CEP85L: variants seen among roughly 807,000 people sequenced by gnomAD.
The protein encoded by CEP85L is centrosomal protein 85L, also known as centrosomal protein of 85 kDa-like.
In CEP85L, 60 loss-of-function variants were observed where a neutral mutation model predicts 100.3. That is an observed-to-expected ratio of 0.60 (90% CI 0.49 to 0.74). The LOEUF (loss-of-function observed/expected upper bound fraction) is 0.74. Ranked by LOEUF, CEP85L falls within the 30% of genes least tolerant of loss-of-function variation. The pLI is 0.00. For synonymous variants in CEP85L, 319 were observed against 322.7 expected (o/e 0.99, Z 0.12); for missense variants, 973 against 936.2 (o/e 1.04, Z -0.51).
intron 2 of CEP85L, among the ~76,000 whole-genome samples, chr6:118,623,534 G>A (rs138072516): frequency 1.3e-5 from 2 of 152,290 alleles, no homozygotes; most frequent in East Asian, 3.9e-4. Context: ...CCTTCACTGT[G>A]CCTGGAGACC....
chr6:118,702,782 G>A (rs1777456663), intron 1 of CEP85L, among the ~76,000 whole-genome samples: 1 of 152,148 alleles, frequency 6.6e-6, no homozygotes, highest in African/African-American at 2.4e-5. Context: ...GGATCACGAA[G>A]TCAGGAGATT....
At chr6:118,688,511 C>T (rs548920856) in intron 1 of CEP85L, among the ~76,000 whole-genome samples, 2 of 152,212 alleles carry the variant, frequency 1.3e-5, no homozygotes, top group South Asian at 4.1e-4. Context: ...ATACTTTATC[C>T]CTAGAATTTC....
chr6:118,667,441 G>A (rs1356830295), intron 1 of CEP85L, among the ~76,000 whole-genome samples: 1 of 152,120 alleles, frequency 6.6e-6, no homozygotes, highest in African/African-American at 2.4e-5. Context: ...TAATAAATGG[G>A]CATCTTAATG....
intron 2 of CEP85L, among the ~76,000 whole-genome samples, chr6:118,602,700 T>C (rs1031055616): frequency 8.5e-5 from 13 of 152,262 alleles, no homozygotes; most frequent in Admixed American, 6.5e-5. Flanking sequence ...AAGACCGATA[T>C]GCTTTATAAA....
intron 2 of CEP85L, among the ~76,000 whole-genome samples, chr6:118,605,287 C>T (rs890556492): frequency 6.6e-6 from 1 of 152,220 alleles, no homozygotes; most frequent in Admixed American, 6.5e-5. Flanking sequence ...CAAAGCCAAT[C>T]AGCCCATTTC....
intron 1 of CEP85L, among the ~76,000 whole-genome samples, chr6:118,670,970 AC>A (rs1415383058): frequency 1.1e-3 from 164 of 151,740 alleles, no homozygotes; most frequent in Non-Finnish European, 1.9e-3. Flanking sequence ...AAAAAAAAAA[AC>A]ACTGTGTTTT....
At chr6:118,526,893 C>A (rs1776994514) in intron 3 of CEP85L, among the ~76,000 whole-genome samples, 1 of 151,966 alleles carries the variant, frequency 6.6e-6, no homozygotes, top group Non-Finnish European at 1.5e-5. Flanking sequence ...ATGAATAATC[C>A]ACCTCTTGTT....
At chr6:118,485,775 C>A (rs567188996) in intron 6 of CEP85L, among the ~76,000 whole-genome samples, 10 of 152,286 alleles carry the variant, frequency 6.6e-5, no homozygotes, top group African/African-American at 2.4e-4. Flanking sequence ...ATTTTAGTAA[C>A]CAGCTGTGCT....
chr6:118,587,407 G>A (rs570249007), intron 2 of CEP85L, among the ~76,000 whole-genome samples: 15 of 152,140 alleles, frequency 9.9e-5, no homozygotes, highest in Non-Finnish European at 1.8e-4. Context: ...AACCATACTT[G>A]GGAGTAACAT....
chr6:118,620,513 C>G (rs937227024), intron 2 of CEP85L, among the ~76,000 whole-genome samples: 3 of 152,146 alleles, frequency 2.0e-5, no homozygotes, highest in Non-Finnish European at 4.4e-5. Context: ...ACAAACTGCC[C>G]CCTTGCCCAC....
At chr6:118,493,101 C>A (rs1774682433) in intron 5 of CEP85L, among the ~76,000 whole-genome samples, 2 of 152,060 alleles carry the variant, frequency 1.3e-5, no homozygotes, top group African/African-American at 4.8e-5. Context: ...AAGTAGGATA[C>A]ATGAAGACAT....
chr6:118,618,698 G>T (rs1304932776), intron 2 of CEP85L, among the ~76,000 whole-genome samples: 1 of 152,176 alleles, frequency 6.6e-6, no homozygotes, highest in African/African-American at 2.4e-5. Context: ...GATGGAAAGT[G>T]GGGACAAAAG....
chr6:118,544,482 T>C, intron 3 of CEP85L, among the ~76,000 whole-genome samples: 1 of 152,204 alleles, frequency 6.6e-6, no homozygotes, highest in East Asian at 1.9e-4. Context: ...TCCATATTAT[T>C]TGTATACTGA....
intron 2 of CEP85L, among the ~76,000 whole-genome samples, chr6:118,582,920 G>A (rs1478595769): frequency 1.3e-5 from 2 of 152,200 alleles, no homozygotes; most frequent in African/African-American, 2.4e-5. Context: ...TCAGGAGGAG[G>A]CCCAAGAAAA....
intron 2 of CEP85L, among the ~76,000 whole-genome samples, chr6:118,610,208 C>T (rs1237676546): frequency 6.6e-6 from 1 of 151,902 alleles, no homozygotes; most frequent in Non-Finnish European, 1.5e-5. Flanking sequence ...TAAGTAATAC[C>T]AGGTTTTAAA....
intron 1 of CEP85L, among the ~76,000 whole-genome samples, chr6:118,661,877 C>T (rs748074950): frequency 3.3e-5 from 5 of 152,162 alleles, no homozygotes; most frequent in Admixed American, 1.3e-4. Flanking sequence ...AAACCAATGA[C>T]GTTGTATCAC....
intron 3 of CEP85L, among the ~76,000 whole-genome samples, chr6:118,558,598 GAGAC>G (rs943232951): frequency 3.3e-5 from 5 of 149,280 alleles, no homozygotes; most frequent in East Asian, 3.9e-4. Context: ...GAGAGAAAGA[GAGAC>G]AGACACATAG....
chr6:118,503,193 T>C (rs981059716), intron 5 of CEP85L, among the ~76,000 whole-genome samples: 3 of 152,186 alleles, frequency 2.0e-5, no homozygotes, highest in Admixed American at 6.5e-5. Flanking sequence ...CTACCATCTA[T>C]ATAAGCAATC....
chr6:118,524,405 C>T (rs757043847), intron 3 of CEP85L, among the ~76,000 whole-genome samples: 3 of 152,182 alleles, frequency 2.0e-5, no homozygotes, highest in Admixed American at 6.5e-5. Flanking sequence ...GATCACGCCA[C>T]TGCACTCTAG....
Sources: gnomAD v4.1 joint callset for allele counts (sites outside exome capture counted in the v4.1 genomes callset) on GRCh38, gnomAD v4.1.1 for gene constraint, MANE v1.5 for transcripts, NCBI Gene and HGNC (gene_info 2026-07-23, HGNC 2026-07-21) for gene names.